KCNH5: variants seen among roughly 807,000 people sequenced by gnomAD.
The protein encoded by KCNH5 is potassium voltage-gated channel subfamily H member 5.
In KCNH5, 46 loss-of-function variants were observed where a neutral mutation model predicts 96.1. That is an observed-to-expected ratio of 0.48 (90% CI 0.38 to 0.61). The LOEUF (loss-of-function observed/expected upper bound fraction) is 0.61, where lower values mean the gene tolerates loss of function less well. Among genes scored for constraint, KCNH5 ranks in the 20% least tolerant of loss-of-function variants. KCNH5 has a pLI of 0.00. For synonymous variants in KCNH5, 439 were observed against 449.8 expected, an observed-to-expected ratio of 0.98 and a Z score of 0.30; for missense variants, 907 against 1,225.8, an observed-to-expected ratio of 0.74 and a Z score of 3.88.
At chr14:62,967,839 C>T (rs1890331799) in intron 6 of KCNH5, among the ~76,000 whole-genome samples, 1 of 152,192 alleles carries the variant, frequency 6.6e-6, no homozygotes, top group African/African-American at 2.4e-5. Flanking sequence ...CAATATATTT[C>T]AACCTTCTTT....
chr14:62,775,353 A>C (rs545996620), intron 10 of KCNH5, among the ~76,000 whole-genome samples: 1 of 152,316 alleles, frequency 6.6e-6, no homozygotes, highest in South Asian at 2.1e-4. Context: ...ATAGCAAGCA[A>C]ACTTATTTTG....
intron 7 of KCNH5, among the ~76,000 whole-genome samples, chr14:62,890,126 C>T (rs1205298197): frequency 6.6e-6 from 1 of 152,070 alleles, no homozygotes; most frequent in African/African-American, 2.4e-5. Context: ...ACTATAAAAA[C>T]CCTGGAAGAC....
chr14:62,873,030 G>A (rs1888289886), intron 7 of KCNH5, among the ~76,000 whole-genome samples: 1 of 151,370 alleles, frequency 6.6e-6, no homozygotes. Flanking sequence ...GGCGCCTGTA[G>A]TCCCAGCTAC....
chr14:62,971,155 AATT>A (rs1370823492), intron 6 of KCNH5, among the ~76,000 whole-genome samples: 1 of 152,148 alleles, frequency 6.6e-6, no homozygotes, highest in African/African-American at 2.4e-5. Context: ...ACTCATAAGT[AATT>A]ATAGCAAGGT....
chr14:62,733,059 A>C (rs886544632), intron 10 of KCNH5, among the ~76,000 whole-genome samples: 15 of 152,260 alleles, frequency 9.9e-5, no homozygotes, highest in African/African-American at 3.6e-4. Context: ...TACATAGGAA[A>C]ACCATAAGGA....
chr14:62,795,031 T>C (rs1270754524), intron 9 of KCNH5, among the ~76,000 whole-genome samples: 1 of 152,164 alleles, frequency 6.6e-6, no homozygotes, highest in Non-Finnish European at 1.5e-5. Flanking sequence ...CAGAGAGCCG[T>C]GTGTGGTCTG....
At chr14:62,807,118 T>C (rs564075864) in intron 8 of KCNH5, among the ~76,000 whole-genome samples, 1 of 152,268 alleles carries the variant, frequency 6.6e-6, no homozygotes, top group African/African-American at 2.4e-5. Context: ...CTCTCTCCTT[T>C]CCCTTTCTTA....
chr14:62,908,767 T>C (rs1045026612), intron 7 of KCNH5, among the ~76,000 whole-genome samples: 7 of 150,096 alleles, frequency 4.7e-5, no homozygotes, highest in African/African-American at 1.7e-4. Flanking sequence ...TTGCCCTTTG[T>C]TGATTTTGCT....
intron 10 of KCNH5, among the ~76,000 whole-genome samples, chr14:62,721,239 GCTACTTCCTGC>G (rs1417730929): frequency 2.6e-5 from 4 of 152,118 alleles, no homozygotes; most frequent in African/African-American, 9.7e-5. Context: ...GGCTTCCTCA[GCTACTTCCTGC>G]CTGTGCAAAT....
chr14:62,917,517 A>G (rs1159214995), intron 7 of KCNH5, among the ~76,000 whole-genome samples: 1 of 152,216 alleles, frequency 6.6e-6, no homozygotes, highest in African/African-American at 2.4e-5. Flanking sequence ...CCTGTGAATG[A>G]GAAATTTATC....
intron 1 of KCNH5, among the ~76,000 whole-genome samples, chr14:63,026,481 A>G (rs1566545959): frequency 6.6e-6 from 1 of 150,756 alleles, no homozygotes; most frequent in Non-Finnish European, 1.5e-5. Context: ...TTAATATGCA[A>G]AATATATAAG....
At chr14:62,759,573 A>ATATATATATATATATTTTTTTTTTTTTT (rs1171935428) in intron 10 of KCNH5, among the ~76,000 whole-genome samples, 11 of 151,076 alleles carry the variant, frequency 7.3e-5, no homozygotes, top group Non-Finnish European at 1.2e-4. Flanking sequence ...CGTAGGGTAT[A>ATATATATATATATATTTTTTTTTTTTTT]TTTTTTAATA....
chr14:62,928,705 T>C (rs2140114101), intron 7 of KCNH5, among the ~76,000 whole-genome samples: 1 of 152,146 alleles, frequency 6.6e-6, no homozygotes, highest in African/African-American at 2.4e-5. Flanking sequence ...TAAGAGGAAC[T>C]TCCCATGGCT....
At chr14:62,861,673 C>CAT (rs1555360558) in intron 7 of KCNH5, among the ~76,000 whole-genome samples, 2,153 of 148,758 alleles carry the variant, frequency 0.014, 48 homozygotes, top group African/African-American at 0.05. Context: ...CACACACACA[C>CAT]ACGGTATAAT....
intron 4 of KCNH5, among the ~76,000 whole-genome samples, chr14:62,996,934 C>T (rs184182336): frequency 5.8e-4 from 88 of 152,228 alleles, no homozygotes; most frequent in Non-Finnish European, 1.3e-4. Context: ...GATTATCATT[C>T]GTGTATGAAA....
chr14:62,827,912 C>A (rs76067819), intron 8 of KCNH5, among the ~76,000 whole-genome samples: 4,288 of 152,176 alleles, frequency 0.028, 93 homozygotes, highest in South Asian at 0.056. Context: ...CACATGTCTT[C>A]TCTATTACAT....
At chr14:62,840,965 C>T (rs1389410517) in intron 8 of KCNH5, among the ~76,000 whole-genome samples, 2 of 151,918 alleles carry the variant, frequency 1.3e-5, no homozygotes, top group Non-Finnish European at 2.9e-5. Flanking sequence ...GACAATGATG[C>T]CCATGGTTAT....
intron 7 of KCNH5, among the ~76,000 whole-genome samples, chr14:62,888,544 T>C (rs1358309935): frequency 2.0e-5 from 3 of 152,168 alleles, no homozygotes; most frequent in Non-Finnish European, 4.4e-5. Flanking sequence ...TATATTTTTA[T>C]ATTTTTTGGT....
At chr14:62,878,506 C>A (rs1292690724) in intron 7 of KCNH5, among the ~76,000 whole-genome samples, 3 of 152,018 alleles carry the variant, frequency 2.0e-5, no homozygotes, top group Admixed American at 2.0e-4. Flanking sequence ...TTCCAAATAT[C>A]ATTAGACAAA....
Sources: allele counts gnomAD v4.1 joint callset (sites outside exome capture counted in the v4.1 genomes callset), GRCh38; gene constraint gnomAD v4.1.1; transcripts MANE v1.5; gene names NCBI Gene and HGNC (gene_info 2026-07-23, HGNC 2026-07-21).